ARHGAP26: variants seen among roughly 807,000 people sequenced by gnomAD.
The protein encoded by ARHGAP26 is Rho GTPase activating protein 26.
ARHGAP26 carries 38 observed loss-of-function variants against 104.8 expected under a neutral mutation model. The observed-to-expected ratio is 0.36, with a 90% CI of 0.28 to 0.48. The LOEUF is 0.48. Among genes scored for constraint, ARHGAP26 ranks in the 20% least tolerant of loss-of-function variants. The pLI, the probability that ARHGAP26 is intolerant of heterozygous loss-of-function variation, is 0.99. For synonymous variants in ARHGAP26, 341 were observed against 340.0 expected (o/e 1.00, Z -0.03); for missense variants, 704 against 947.9 (o/e 0.74, Z 3.38).
At chr5:142,833,858 A>G (rs151142122) in intron 1 of ARHGAP26, among the ~76,000 whole-genome samples, 2 of 152,194 alleles carry the variant, frequency 1.3e-5, no homozygotes, top group African/African-American at 4.8e-5. Flanking sequence ...CTGAAACAAC[A>G]CAAAAATTTC....
intron 1 of ARHGAP26, among the ~76,000 whole-genome samples, chr5:142,809,535 C>T (rs941362522): frequency 6.6e-5 from 10 of 152,158 alleles, no homozygotes; most frequent in Admixed American, 2.6e-4. Flanking sequence ...CAGTGAGTCC[C>T]GGTGGTTCAG....
chr5:142,805,055 CAT>C (rs909015852), intron 1 of ARHGAP26, among the ~76,000 whole-genome samples: 7 of 151,938 alleles, frequency 4.6e-5, no homozygotes, highest in African/African-American at 1.7e-4. Flanking sequence ...AGTAGTCCAT[CAT>C]GTGGCTATAC....
At chr5:143,030,385 A>C (rs531329131) in intron 12 of ARHGAP26, among the ~76,000 whole-genome samples, 1 of 152,220 alleles carries the variant, frequency 6.6e-6, no homozygotes, top group Non-Finnish European at 1.5e-5. Context: ...TAATGCCTTG[A>C]TGGACAAAAT....
chr5:142,807,266 T>A (rs567008449), intron 1 of ARHGAP26, among the ~76,000 whole-genome samples: 14 of 152,306 alleles, frequency 9.2e-5, no homozygotes, highest in African/African-American at 2.9e-4. Context: ...AGAAGCAACT[T>A]AGGGGCAGTA....
intron 11 of ARHGAP26, among the ~76,000 whole-genome samples, chr5:142,977,919 A>G (rs897951161): frequency 1.3e-5 from 2 of 152,222 alleles, no homozygotes; most frequent in Non-Finnish European, 2.9e-5. Flanking sequence ...GCATGAAGAA[A>G]CTGGAGCAGC....
intron 20 of ARHGAP26, chr5:143,165,399 G>A (rs1022548819): frequency 6.6e-6 from 1 of 152,150 alleles, no homozygotes; most frequent in Non-Finnish European, 1.5e-5. Context: ...TCTTGTACAC[G>A]GTGCATAATG....
chr5:143,139,201 A>C (rs926960236), intron 19 of ARHGAP26, among the ~76,000 whole-genome samples: 10 of 152,254 alleles, frequency 6.6e-5, no homozygotes, highest in African/African-American at 2.4e-4. Context: ...TCATCTAATA[A>C]TAACAATAAA....
At chr5:143,098,901 T>C (rs10155562) in intron 17 of ARHGAP26, among the ~76,000 whole-genome samples, 6,995 of 152,294 alleles carry the variant, frequency 0.046, 546 homozygotes, top group African/African-American at 0.16. Flanking sequence ...AACATGACTT[T>C]GTGAAAGTAT....
At position 143,224,222 on chromosome 5, in the gene ARHGAP26, C is replaced by T. The variant is rs986834837; in HGVS notation, c.*1776C>T. The T allele has an allele frequency of 8.7e-6, 2 of 230,830 alleles. No individual in the cohort carries two copies. The highest frequency in any genetic ancestry group is 4.4e-5 in the African/African-American group (2 of 45,044). 14.3% of individuals were successfully genotyped at this position (230,830 alleles called of 1,614,324 possible). A position where few individuals can be genotyped will look rare whatever the true frequency, so the allele number is the denominator to read the frequency against. On this transcript the variant is annotated 3_prime_UTR_variant, in exon 23 of 23. Transcript: ENST00000645722. The stretch of plus-strand genomic sequence containing the variant: ...TGCTCACACACTTAGGCTTTGATTG[C>T]TGAAGAAGTATGTTTAAGAGGGAGA...
intron 20 of ARHGAP26, among the ~76,000 whole-genome samples, chr5:143,199,762 A>G (rs934273287): frequency 3.9e-5 from 6 of 152,160 alleles, no homozygotes; most frequent in Non-Finnish European, 7.4e-5. Flanking sequence ...AGACGTGCAA[A>G]TGCCAATTTT....
intron 6 of ARHGAP26, among the ~76,000 whole-genome samples, chr5:142,895,123 A>C (rs1014215090): frequency 6.6e-6 from 1 of 152,256 alleles, no homozygotes; most frequent in East Asian, 1.9e-4. Context: ...AAACTCTCGC[A>C]GACCATGGAT....
chr5:143,080,671 A>G (rs1425405498), intron 17 of ARHGAP26, among the ~76,000 whole-genome samples: 3 of 152,240 alleles, frequency 2.0e-5, no homozygotes, highest in African/African-American at 7.2e-5. Flanking sequence ...TTGCAGAGCT[A>G]AGCAGGGGCC....
intron 11 of ARHGAP26, among the ~76,000 whole-genome samples, chr5:143,011,827 G>A (rs150808242): frequency 3.9e-5 from 6 of 152,234 alleles, no homozygotes; most frequent in Non-Finnish European, 7.4e-5. Flanking sequence ...CCTAGACTTC[G>A]TGGTGACTTT....
intron 13 of ARHGAP26, among the ~76,000 whole-genome samples, chr5:143,037,660 T>G (rs1285844338): frequency 2.0e-5 from 3 of 152,210 alleles, no homozygotes; most frequent in Non-Finnish European, 2.9e-5. Context: ...ATAATTGTAA[T>G]GTGTTATGAA....
chr5:143,041,722 G>GAA (rs34295120), intron 13 of ARHGAP26, 94 bp from the exon 14 acceptor site: 22,650 of 634,634 alleles, frequency 0.036, 10 homozygotes, highest in South Asian at 0.063. Flanking sequence ...CTGAGAAAAT[G>GAA]AAAAAAAAAA....
chr5:142,772,599 A>C (rs1597549666), intron 1 of ARHGAP26: 1 of 401,576 alleles, frequency 2.5e-6, no homozygotes, highest in African/African-American at 2.1e-5. Flanking sequence ...TTCACATATA[A>C]TTATCTCATG....
chr5:143,123,844 A>G (rs1249291209), intron 18 of ARHGAP26, among the ~76,000 whole-genome samples: 1 of 152,214 alleles, frequency 6.6e-6, no homozygotes, highest in Non-Finnish European at 1.5e-5. Flanking sequence ...TGACAGTGAG[A>G]TCCTGCATCT....
chr5:142,887,954 G>C (rs187227031), intron 5 of ARHGAP26, among the ~76,000 whole-genome samples: 188 of 152,104 alleles, frequency 1.2e-3, no homozygotes, highest in African/African-American at 4.2e-3. Context: ...GACAGAGTGA[G>C]ACTCTTTCTC....
intron 1 of ARHGAP26, among the ~76,000 whole-genome samples, chr5:142,821,692 T>G (rs1766225137): frequency 6.6e-6 from 1 of 152,186 alleles, no homozygotes. Flanking sequence ...CACATTAAAA[T>G]TTGAGAAACA....
Sources: allele counts gnomAD v4.1 joint callset (sites outside exome capture counted in the v4.1 genomes callset), GRCh38; gene constraint gnomAD v4.1.1; transcripts MANE v1.5; gene names NCBI Gene and HGNC (gene_info 2026-07-23, HGNC 2026-07-21).